The following CTSH variants were observed in gnomAD, a reference collection of about 807,000 sequenced individuals.
CTSH encodes pro-cathepsin H.
CTSH carries 52 observed loss-of-function variants against 56.3 expected under a neutral mutation model. The ratio of observed to expected loss-of-function variants is 0.92; its 90% confidence interval spans 0.74 to 1.16. The LOEUF is 1.16. Among genes scored for constraint, CTSH ranks in the 50% most tolerant of loss-of-function variants. The pLI is 0.00. For synonymous variants in CTSH, 174 were observed against 155.7 expected (o/e 1.12, Z -0.88); for missense variants, 406 against 424.5 (o/e 0.96, Z 0.38).
At chr15:78,943,251 C>T (rs551391404) in intron 1 of CTSH, among the ~76,000 whole-genome samples, 16 of 150,912 alleles carry the variant, frequency 1.1e-4, no homozygotes, top group Admixed American at 6.6e-5. Flanking sequence ...CAGTATTCCC[C>T]TGTTTGTTTG....
Position 78,936,808 on chromosome 15 carries a change from T to G in CTSH, c.229+510A>C, listed in dbSNP as rs145044659. Among the ~76,000 whole-genome samples the G allele has an allele frequency of 7.6e-3, 1,156 of 152,246 alleles. 20 individuals are homozygous for G. The highest frequency in any genetic ancestry group is 0.027 in the African/African-American group (1,118 of 41,560). On this transcript the variant is annotated intron_variant, in intron 3 of 11. Transcript: ENST00000220166. The stretch of plus-strand genomic sequence containing the variant: ...CCAAGCCCGGCTAATTTTGTATTTT[T>G]AGTAGAGATGGGGTTTCTCCATGTT...
intron 10 of CTSH, 42 bp downstream of exon 10, chr15:78,925,292 C>G (rs1014885271): frequency 2.3e-6 from 3 of 1,312,018 alleles, no homozygotes; most frequent in Non-Finnish European, 3.3e-6. Context: ...CCCACCAAGC[C>G]CCTCCCCACT....
intron 1 of CTSH, among the ~76,000 whole-genome samples, chr15:78,942,914 A>G (rs933469412): frequency 1.3e-5 from 2 of 152,166 alleles, no homozygotes; most frequent in Non-Finnish European, 2.9e-5. Context: ...CCAGAGACCA[A>G]TCTATGGCCG....
chr15:78,944,816 GC>G, intron 1 of CTSH, 74 bp downstream of exon 1: 1 of 1,470,884 alleles, frequency 6.8e-7, no homozygotes, highest in African/African-American at 1.4e-5. Context: ...AGCCCAGTGC[GC>G]CCCTGGCCAA....
chr15:78,927,701 A>T lies in CTSH; in HGVS notation c.699+12T>A. On this transcript the variant is annotated intron_variant, in intron 9 of 11. Coordinates refer to ENST00000220166, the MANE Select transcript of CTSH (RefSeq NM_004390.5). ...GACACATTCCCCATCCCAGAGGGGG[A>T]TCGGCACTCACGATTGTGATGTTGG... is the stretch of plus-strand genomic sequence containing the variant. 1 of 1,613,280 alleles carries T rather than the reference A, an allele frequency of 6.2e-7. No homozygotes were observed. The highest frequency in any genetic ancestry group is 1.1e-5 in the South Asian group (1 of 91,070).
At chr15:78,930,321 T>A (rs1288643966) in intron 7 of CTSH, among the ~76,000 whole-genome samples, 1 of 151,714 alleles carries the variant, frequency 6.6e-6, no homozygotes, top group African/African-American at 2.4e-5. Flanking sequence ...AGGTCAGGGG[T>A]TCGAGACTAG....
intron 11 of CTSH, among the ~76,000 whole-genome samples, chr15:78,922,478 C>T (rs765952699): frequency 2.4e-4 from 37 of 152,164 alleles, no homozygotes; most frequent in Non-Finnish European, 5.1e-4. Flanking sequence ...CCTGGCCGGG[C>T]CCTCACACAG....
chr15:78,944,914 G>A lies in CTSH; in HGVS notation c.68C>T (p.Ala23Val). The change falls in exon 1 of 12, where the codon GCC becomes GTC. Residue 23 changes from alanine (A) to valine (V), a missense_variant. Coordinates refer to ENST00000220166, the MANE Select transcript of CTSH (RefSeq NM_004390.5). The stretch of plus-strand genomic sequence containing the variant: ...ACCTAAGGAGTTCACGCACAGTTCG[G>A]CGGCACCGCAGACGGGGACTCCCAG... ...WLLGVPVCGA[A>V]ELCVNSLEKF... 2 of 1,548,674 alleles carry A rather than the reference G, an allele frequency of 1.3e-6. No individual in the cohort carries two copies. Among genetic ancestry groups the A allele is most frequent in the Non-Finnish European group, 1.7e-6 (2 of 1,146,094 alleles).
chr15:78,929,888 T>G (rs2141531867), intron 7 of CTSH, among the ~76,000 whole-genome samples: 1 of 152,318 alleles, frequency 6.6e-6, no homozygotes, highest in East Asian at 1.9e-4. Context: ...ATGCTGTCAC[T>G]GGCTGAGGCA....
intron 4 of CTSH, 68 bp from the exon 5 acceptor site, chr15:78,935,150 G>A (rs2055149435): frequency 9.5e-7 from 1 of 1,056,258 alleles, no homozygotes; most frequent in Non-Finnish European, 1.5e-6. Context: ...ACAACAAGAA[G>A]AAGAAATGTA....
intron 9 of CTSH, chr15:78,927,216 G>T (rs77926585): frequency 6.4e-6 from 1 of 155,140 alleles, no homozygotes; most frequent in Non-Finnish European, 1.4e-5. Context: ...TAGTCCTGGC[G>T]TGAGGCCAAT....
At chr15:78,922,742 C>T (rs932999590) in intron 11 of CTSH, among the ~76,000 whole-genome samples, 1 of 152,234 alleles carries the variant, frequency 6.6e-6, no homozygotes, top group African/African-American at 2.4e-5. Context: ...TCCTAGCAGT[C>T]CTTCTGAGCC....
chr15:78,937,009 C>T (rs577713779), intron 3 of CTSH: 76 of 330,228 alleles, frequency 2.3e-4, no homozygotes, highest in African/African-American at 1.5e-3. Flanking sequence ...GCAACCCCTA[C>T]CCCCCGCAAC....
intron 6 of CTSH, chr15:78,931,743 GA>G: frequency 5.6e-6 from 8 of 1,426,412 alleles, no homozygotes; most frequent in Middle Eastern, 2.6e-4. Flanking sequence ...GGGAAGGTGA[GA>G]GGGGGCAAGG....
chr15:78,935,033 G>A lies in CTSH; in HGVS notation c.350C>T (p.Pro117Leu). ...SNYLRGTGPYPPSVDWRKKGN... is the reference protein window; with the variant it reads ...SNYLRGTGPYLPSVDWRKKGN... ...TTTTTTCCGCCAGTCCACGGAAGGT[G>A]GGTAGGGACCAGTACCTCGAAGGTA... The change falls in exon 5 of 12, where the codon CCA becomes CTA. Residue 117 changes from proline to leucine, a missense_variant. Pro to Leu is a moderately conservative substitution (Grantham distance 98, BLOSUM62 -3). Transcript: ENST00000220166. 5 of 1,614,164 alleles carry A rather than the reference G, an allele frequency of 3.1e-6. No individual in the cohort carries two copies. Among genetic ancestry groups the A allele is most frequent in the Admixed American group, 1.7e-5 (1 of 60,016 alleles).
chr15:78,930,362 ACT>A (rs2055024727), intron 7 of CTSH, among the ~76,000 whole-genome samples: 1 of 152,040 alleles, frequency 6.6e-6, no homozygotes, highest in Admixed American at 6.5e-5. Context: ...CCCCATCTCT[ACT>A]AAAAATACAA....
chr15:78,924,083 G>A (rs1185454660), intron 10 of CTSH, among the ~76,000 whole-genome samples: 1 of 126,304 alleles, frequency 7.9e-6, no homozygotes, highest in African/African-American at 2.9e-5. Flanking sequence ...GAGGTGGGGG[G>A]GATCCAACCC....
chr15:78,925,288 A>G, intron 10 of CTSH, 46 bp downstream of exon 10: 10 of 1,269,062 alleles, frequency 7.9e-6, no homozygotes, highest in Non-Finnish European at 1.0e-5. Flanking sequence ...GAGGCCCACC[A>G]AGCCCCTCCC....
At chr15:78,925,721 C>T (rs186696398) in intron 9 of CTSH, 181 of 355,148 alleles carry the variant, frequency 5.1e-4, no homozygotes, top group Admixed American at 3.4e-3. Context: ...ACATCCATTC[C>T]CTGAGGTCCT....
Sources: gnomAD v4.1 joint callset for allele counts (sites outside exome capture counted in the v4.1 genomes callset) on GRCh38, gnomAD v4.1.1 for gene constraint, MANE v1.5 for transcripts, NCBI Gene and HGNC (gene_info 2026-07-23, HGNC 2026-07-21) for gene names.